The following DIS3L variants were observed in gnomAD, a reference collection of about 807,000 sequenced individuals.
The protein encoded by DIS3L is DIS3 like exosome 3'-5' exoribonuclease, also known as DIS3-like exonuclease 1.
Under a neutral mutation model 120.3 loss-of-function variants are expected in DIS3L, and 100 were observed. The observed-to-expected ratio is 0.83, with a 90% confidence interval of 0.71 to 0.98. DIS3L has a LOEUF of 0.98. DIS3L is among the 50% of genes least tolerant of loss of function. The pLI is 0.00. For missense variants in DIS3L, 1,196 were observed against 1,314.2 expected (o/e 0.91, Z 1.39); for synonymous variants, 426 against 470.6 (o/e 0.91, Z 1.23).
At position 66,333,374 on chromosome 15, in the gene DIS3L, C is replaced by T. The variant is rs753424805; in HGVS notation, c.*62C>T. 365 of 1,488,826 alleles carry T rather than the reference C, an allele frequency of 2.5e-4. No homozygotes were observed. The highest frequency in any genetic ancestry group is 3.0e-4 in the Non-Finnish European group (327 of 1,105,198). The allele number at this position is 1,488,826 out of a possible 1,614,324, so 92.2% of individuals were successfully genotyped here. A position where few individuals can be genotyped will look rare whatever the true frequency, so the allele number is the denominator to read the frequency against. On this transcript the variant is annotated 3_prime_UTR_variant, in exon 17 of 17. Transcript: ENST00000319212. ...TGTTTTACAGTCTTTTCAAACTTAACATTTAATGTGTGTCACTCAGTGCTC... is the reference window on the plus strand; with the variant it reads ...TGTTTTACAGTCTTTTCAAACTTAATATTTAATGTGTGTCACTCAGTGCTC...
At chr15:66,332,500 GTGTGTGTGTGTGTGTA>G (rs2093010826) in intron 15 of DIS3L, among the ~76,000 whole-genome samples, 1 of 134,168 alleles carries the variant, frequency 7.5e-6, no homozygotes, top group Non-Finnish European at 1.7e-5. Context: ...GTGTGTGTGT[GTGTGTGTGTGTGTGTA>G]TATATATACA....
chr15:66,294,368 C>T, intron 1 of DIS3L: 1 of 985,564 alleles, frequency 1.0e-6, no homozygotes, highest in South Asian at 4.7e-5. Flanking sequence ...GTTACTGGCT[C>T]TCTTCCCCCA....
Position 66,308,785 on chromosome 15 carries a change from G to A in DIS3L, c.499G>A (p.Glu167Lys). 6.2e-7 allele frequency: 1 copy of A among 1,613,646 alleles called. No individual in the cohort carries two copies. The highest frequency in any genetic ancestry group is 8.5e-7 in the Non-Finnish European group (1 of 1,179,800). Reference sequence around the variant, plus strand: ...GCCAATTGTTATGGTGACAGAAGATGAAGAGGCAATTCAGCAGTATGGAAG... The same window carrying A: ...GCCAATTGTTATGGTGACAGAAGATAAAGAGGCAATTCAGCAGTATGGAAG... ...RMPIVMVTED[E>K]EAIQQYGSET... Residue 167 changes from glutamate to lysine, a missense_variant, in exon 4 of 17, where the codon GAA becomes AAA. Physicochemically the swap from Glu to Lys is moderately conservative, Grantham distance 56. Transcript: ENST00000319212.
rs1008689303 is a variant in DIS3L at position 66,311,311 on chromosome 15, G to A, written c.559-413G>A. On this transcript the variant is annotated intron_variant, in intron 4 of 16. Coordinates refer to ENST00000319212, the MANE Select transcript of DIS3L (RefSeq NM_001143688.3). ...CAGGGGGAGGTCAAGGCTGCAGTGA[G>A]CCAAGATTATGCCACTGCATCCAGC... is the stretch of plus-strand genomic sequence containing the variant. 9.2e-5 allele frequency among the ~76,000 whole-genome samples: 14 copies of A among 152,148 alleles called. 1 individual carries two copies. Among genetic ancestry groups the A allele is most frequent in the Non-Finnish European group, 2.9e-5 (2 of 68,024 alleles).
At chr15:66,328,035 T>A (rs533705098) in intron 12 of DIS3L, among the ~76,000 whole-genome samples, 1 of 152,330 alleles carries the variant, frequency 6.6e-6, no homozygotes, top group East Asian at 1.9e-4. Flanking sequence ...CTCTGTATGG[T>A]CACTGTATGA....
chr15:66,294,586 A>G (rs2092565142), intron 1 of DIS3L: 3 of 961,184 alleles, frequency 3.1e-6, no homozygotes, highest in Non-Finnish European at 3.7e-6. Flanking sequence ...GAGCACGTGC[A>G]GAAGCTTGAC....
At position 66,330,825 on chromosome 15, in the gene DIS3L, A is replaced by T. The variant is rs767156363; in HGVS notation, c.2536-1050A>T. On this transcript the variant is annotated intron_variant, in intron 14 of 16. Coordinates refer to ENST00000319212, the MANE Select transcript of DIS3L (RefSeq NM_001143688.3). ...ATGATTTCCTGGAAAAATTCCTAGA[A>T]ATGGAATTGCTGAGCCAAAAGGTGT... is the stretch of plus-strand genomic sequence containing the variant. 1.8e-4 allele frequency among the ~76,000 whole-genome samples: 27 copies of T among 152,280 alleles called. No individual in the cohort carries two copies. The South Asian group carries it at 1.9e-3, about 11-fold the overall frequency.
intron 7 of DIS3L, among the ~76,000 whole-genome samples, chr15:66,317,571 C>T (rs2092832367): frequency 6.6e-6 from 1 of 151,694 alleles, no homozygotes; most frequent in South Asian, 2.1e-4. Flanking sequence ...TGACTTTTCC[C>T]AATATACCAA....
At chr15:66,296,814 G>T (rs979807173) in intron 2 of DIS3L, among the ~76,000 whole-genome samples, 1 of 152,190 alleles carries the variant, frequency 6.6e-6, no homozygotes. Flanking sequence ...GAGCCACTGT[G>T]CCCGGCCCAA....
intron 3 of DIS3L, among the ~76,000 whole-genome samples, chr15:66,307,857 C>G (rs1006679219): frequency 7.2e-5 from 11 of 152,134 alleles, no homozygotes; most frequent in Non-Finnish European, 1.5e-4. Flanking sequence ...TCCATCAGTG[C>G]TGCTGAGGAG....
Position 66,332,994 on chromosome 15 carries a change from T to C in DIS3L, c.2857-10T>C. 1 of 1,599,782 alleles carries C rather than the reference T, an allele frequency of 6.3e-7. No homozygotes were observed. Among genetic ancestry groups the C allele is most frequent in the Non-Finnish European group, 8.5e-7 (1 of 1,174,668 alleles). On this transcript the variant is annotated splice_polypyrimidine_tract_variant and intron_variant, in intron 16 of 16. Transcript: ENST00000319212. ...TGATTTAGTAATATGTATTTTCTTC[T>C]CTATGCTAGGTAAGAATATCCATAC... is the stretch of plus-strand genomic sequence containing the variant.
chr15:66,329,985 C>T, intron 14 of DIS3L: 1 of 984,944 alleles, frequency 1.0e-6, no homozygotes, highest in Non-Finnish European at 1.2e-6. Context: ...ATTAATGATT[C>T]TAGACACTGC....
chr15:66,326,673 AG>A (rs1357954022), intron 12 of DIS3L: 1 of 235,412 alleles, frequency 4.2e-6, no homozygotes, highest in African/African-American at 2.3e-5. Context: ...ACCACCTCCC[AG>A]GTTCAAGTGA....
In DIS3L at chr15:66,295,087, GA is replaced by G; in HGVS notation, c.241del (p.Ile81LeufsTer27). 1 of 1,614,092 alleles carries G rather than the reference GA, an allele frequency of 6.2e-7. No individual in the cohort carries two copies. The highest frequency in any genetic ancestry group is 8.5e-7 in the Non-Finnish European group (1 of 1,180,006). On this transcript the variant is annotated frameshift_variant, in exon 2 of 17. Transcript: ENST00000319212. LOFTEE classifies it high-confidence loss of function. ...LEILEFPELKGIIFMQTACQA... is the reference protein window; with the variant it reads ...LEILEFPELKXIIFMQTACQA... ...ATCCTTGAGTTTCCTGAGTTGAAGG[GA>G]ATTATTTTCATGCAGACAGCTTGTC...
At chr15:66,313,820 GAAA>G (rs966842012) in intron 5 of DIS3L, among the ~76,000 whole-genome samples, 2 of 147,380 alleles carry the variant, frequency 1.4e-5, no homozygotes, top group African/African-American at 2.5e-5. Flanking sequence ...TGTACATCTC[GAAA>G]AAAAGAAAAA....
At chr15:66,320,446 C>T in intron 8 of DIS3L, 125 bp from the exon 9 acceptor site, 3 of 1,003,458 alleles carry the variant, frequency 3.0e-6, no homozygotes, top group South Asian at 2.0e-5. Context: ...TACCATACAC[C>T]ACTATTTGCA....
rs781162540 is a variant in DIS3L, at chr15:66,320,737, G to T, written c.1326+5G>T. On this transcript the variant is annotated splice_donor_5th_base_variant and intron_variant, in intron 9 of 16. Coordinates refer to ENST00000319212, the MANE Select transcript of DIS3L (RefSeq NM_001143688.3). ...ATTCCTTTCTCAGAAGCTCAGGTCAGATTTTCCAGAAGGCTTTGATCTAGT... is the reference window on the plus strand; with the variant it reads ...ATTCCTTTCTCAGAAGCTCAGGTCATATTTTCCAGAAGGCTTTGATCTAGT... 6.2e-7 allele frequency: 1 copy of T among 1,610,214 alleles called. No individual in the cohort carries two copies. The highest frequency in any genetic ancestry group is 8.5e-7 in the Non-Finnish European group (1 of 1,178,646).
At chr15:66,294,516 T>C in intron 1 of DIS3L, 1 of 988,998 alleles carries the variant, frequency 1.0e-6, no homozygotes, top group Non-Finnish European at 1.2e-6. Context: ...ACCTCACCTC[T>C]GCACGTTGCT....
Position 66,308,714 on chromosome 15 carries a change from T to C in DIS3L, c.428T>C (p.Ile143Thr), listed in dbSNP as rs149513595. The change falls in exon 4 of 17, where the codon ATA becomes ACA. Residue 143 changes from isoleucine (I) to threonine (T), a missense_variant. By Grantham distance (89) the Ile-to-Thr change is moderately conservative (BLOSUM62 -1). Coordinates refer to ENST00000319212, the MANE Select transcript of DIS3L (RefSeq NM_001143688.3). ...ESMEKWQTRS[I>T]YNAAVWYYHH... Reference sequence around the variant, plus strand: ...TGTGCCCTTTGCTTTTCCAGGAGCATATACAACGCAGCTGTTTGGTACTAT... The same window carrying C: ...TGTGCCCTTTGCTTTTCCAGGAGCACATACAACGCAGCTGTTTGGTACTAT... The C allele has an allele frequency of 5.6e-6, 9 of 1,609,572 alleles. No homozygotes were observed. The highest frequency in any genetic ancestry group is 6.8e-6 in the Non-Finnish European group (8 of 1,176,914).
Sources: gnomAD v4.1 joint callset for allele counts (sites outside exome capture counted in the v4.1 genomes callset) on GRCh38, gnomAD v4.1.1 for gene constraint, MANE v1.5 for transcripts, NCBI Gene and HGNC (gene_info 2026-07-23, HGNC 2026-07-21) for gene names.